The following ZNF266 variants were observed in gnomAD, a reference collection of about 807,000 sequenced individuals.
The protein encoded by ZNF266 is zinc finger protein 1.
In ZNF266, 16 loss-of-function variants were observed where a neutral mutation model predicts 16.4. That is an observed-to-expected ratio of 0.98 (90% CI 0.66 to 1.48). ZNF266 has a LOEUF of 1.48. Among genes scored for constraint, ZNF266 ranks in the 40% most tolerant of loss-of-function variants. The probability of loss-of-function intolerance (pLI) is 0.00; values close to 1 mark genes in which losing one functional copy is unlikely to be tolerated. For missense variants in ZNF266, 738 were observed against 689.1 expected, an observed-to-expected ratio of 1.07 and a Z score of -0.79; for synonymous variants, 262 against 237.9, an observed-to-expected ratio of 1.10 and a Z score of -0.93.
At position 9,426,154 on chromosome 19, in the gene ZNF266, C is replaced by T. The variant is rs1053054157; in HGVS notation, c.-129-5936G>A. Among the ~76,000 whole-genome samples the T allele has an allele frequency of 4.6e-5, 7 of 152,014 alleles. No individual in the cohort carries two copies. In the East Asian group the frequency reaches 5.8e-4, roughly 13 times the overall value. ...CTGTTGCTCTACGCCCCCACCCTGA[C>T]GAGGTCAACTGGGCACCCTAGAGAG... On this transcript the variant is annotated intron_variant, in intron 5 of 10. Transcript: ENST00000592904.
At chr19:9,418,376 C>T in intron 8 of ZNF266, 129 bp downstream of exon 8, 1 of 995,958 alleles carries the variant, frequency 1.0e-6, no homozygotes, top group South Asian at 1.4e-5. Context: ...TAGATGAAAC[C>T]CTATTAGGGC....
Position 9,414,116 on chromosome 19 carries a change from C to A in ZNF266, c.1010G>T (p.Cys337Phe). Residue 337 changes from cysteine to phenylalanine, a missense_variant, in exon 11 of 11, where the codon TGT (cysteine) becomes TTT (phenylalanine). Physicochemically the swap from Cys to Phe is radical, Grantham distance 205 (BLOSUM62 -2). Transcript: ENST00000592904. ...KTHTGEKPYK[C>F]KDCGRAFTVS... ...AGTGAAGGCTCTCCCACAATCCTTA[C>A]ATTTATAAGGTTTCTCTCCAGTGTG... The A allele has an allele frequency of 1.9e-6, 3 of 1,613,962 alleles. No homozygotes were observed. The highest frequency in any genetic ancestry group is 2.5e-6 in the Non-Finnish European group (3 of 1,179,918).
intron 5 of ZNF266, among the ~76,000 whole-genome samples, chr19:9,429,082 T>C (rs1221121082): frequency 6.6e-6 from 1 of 152,106 alleles, no homozygotes; most frequent in African/African-American, 2.4e-5. Flanking sequence ...GAAAAATATA[T>C]TCAATAGAAC....
At position 9,413,542 on chromosome 19, in the gene ZNF266, T is replaced by C; in HGVS notation, c.1584A>G (p.Lys528=). Residue 528 remains lysine (K), a synonymous_variant, in exon 11 of 11, where the codon AAA becomes AAG. Coordinates refer to ENST00000592904, the MANE Select transcript of ZNF266 (RefSeq NM_001370374.1). ...LNNHMRTHSA[K]KPFTCMECGK... ...CACATTCCATACACGTGAATGGTTT[T>C]TTGGCGCTGTGGGTCCGCATGTGAT... The C allele has an allele frequency of 6.2e-7, 1 of 1,613,382 alleles. No individual in the cohort carries two copies. The highest frequency in any genetic ancestry group is 8.5e-7 in the Non-Finnish European group (1 of 1,179,402).
At position 9,432,809 on chromosome 19, in the gene ZNF266, A is replaced by G. The variant is rs73920784; in HGVS notation, c.-130+859T>C. On this transcript the variant is annotated intron_variant, in intron 5 of 10. Transcript: ENST00000592904. Reference sequence around the variant, plus strand: ...TGGGTTAAAACAAATAAATGCTTCCAAAGCAAAAACTCTAAGGACCACCTC... The same window carrying G: ...TGGGTTAAAACAAATAAATGCTTCCGAAGCAAAAACTCTAAGGACCACCTC... Among the ~76,000 whole-genome samples, 1,407 of 152,194 alleles carry G rather than the reference A, an allele frequency of 9.2e-3. 24 individuals are homozygous for G. Among genetic ancestry groups the G allele is most frequent in the African/African-American group, 0.033 (1,349 of 41,504 alleles).
At chr19:9,418,460 A>T in intron 8 of ZNF266, 45 bp downstream of exon 8, 1 of 1,605,912 alleles carries the variant, frequency 6.2e-7, no homozygotes, top group South Asian at 1.1e-5. Context: ...AGTACATAAC[A>T]TAATCTGTTC....
intron 5 of ZNF266, among the ~76,000 whole-genome samples, chr19:9,428,733 A>AAAC (rs1555761259): frequency 6.7e-5 from 10 of 150,290 alleles, no homozygotes; most frequent in African/African-American, 2.2e-4. Flanking sequence ...AAAAAAAAAA[A>AAAC]CCCTGGGAAT....
chr19:9,422,570 TCTCA>T (rs1159740801), intron 5 of ZNF266, among the ~76,000 whole-genome samples: 1 of 152,206 alleles, frequency 6.6e-6, no homozygotes. Flanking sequence ...TATTTAGTGC[TCTCA>T]GTCTTGTATC....
At chr19:9,415,166 G>A (rs765043382) in intron 10 of ZNF266, among the ~76,000 whole-genome samples, 8 of 152,142 alleles carry the variant, frequency 5.3e-5, no homozygotes, top group Admixed American at 1.3e-4. Flanking sequence ...ATGGTGGCAC[G>A]TGCCTGTACT....
At position 9,414,214 on chromosome 19, in the gene ZNF266, G is replaced by A. The variant is rs552968416; in HGVS notation, c.912C>T (p.Asp304=). ...LNIHMGTHTG[D]NPYECKECGK... ...CACACTCCTTACACTCATAGGGATT[G>A]TCTCCAGTGTGGGTTCCCATGTGAA... The change falls in exon 11 of 11, where the codon GAC becomes GAT. Residue 304 remains aspartate (D), a synonymous_variant. Coordinates refer to ENST00000592904, the MANE Select transcript of ZNF266 (RefSeq NM_001370374.1). The A allele has an allele frequency of 6.2e-7, 1 of 1,614,122 alleles. No homozygotes were observed. The highest frequency in any genetic ancestry group is 2.2e-5 in the East Asian group (1 of 44,868).
Position 9,413,596 on chromosome 19 carries a change from T to C in ZNF266, c.1530A>G (p.Lys510=), listed in dbSNP as rs75717316. 0.013 allele frequency: 20,827 copies of C among 1,611,924 alleles called. 267 individuals carry two copies. The highest frequency in any genetic ancestry group is 0.059 in the African/African-American group (4,442 of 75,032). Residue 510 remains lysine, a synonymous_variant, in exon 11 of 11, where the codon AAA becomes AAG. Transcript: ENST00000592904. ...EKPFECLECG[K]AFTHSSSLNN... Reference sequence around the variant, plus strand: ...TAAGACTGGAGGAATGCGTAAATGCTTTACCACATTCCAGGCACTCAAAGG... The same window carrying C: ...TAAGACTGGAGGAATGCGTAAATGCCTTACCACATTCCAGGCACTCAAAGG...
chr19:9,421,144 C>T (rs1005015875), intron 5 of ZNF266, among the ~76,000 whole-genome samples: 4 of 152,178 alleles, frequency 2.6e-5, no homozygotes, highest in African/African-American at 7.2e-5. Context: ...GGAATCTGAA[C>T]GATGAAAATC....
rs2068586333 is a variant in ZNF266 at position 9,413,858 on chromosome 19, T to A, written c.1268A>T (p.Asp423Val). The A allele has an allele frequency of 6.2e-7, 1 of 1,614,076 alleles. No individual in the cohort carries two copies. The highest frequency in any genetic ancestry group is 8.5e-7 in the Non-Finnish European group (1 of 1,180,030). Residue 423 changes from aspartate (D) to valine (V), a missense_variant, in exon 11 of 11, where the codon GAT (aspartate) becomes GTT (valine). By Grantham distance (152) the Asp-to-Val change is radical. Transcript: ENST00000592904. ...HTGIKPYKCK[D>V]CGKAFTQNSD... ...GTTCTGAGTGAAGGCTTTCCCACAA[T>A]CCTTACATTTATAGGGTTTTATTCC...
At chr19:9,415,632 G>A in intron 10 of ZNF266, 22 bp downstream of exon 10, 10 of 1,574,916 alleles carry the variant, frequency 6.3e-6, no homozygotes, top group Non-Finnish European at 8.7e-6. Context: ...TGAAAACTAA[G>A]ACGTATCCTT....
At chr19:9,418,384 G>A in intron 8 of ZNF266, 121 bp downstream of exon 8, 1 of 1,095,922 alleles carries the variant, frequency 9.1e-7, no homozygotes, top group Non-Finnish European at 1.4e-6. Flanking sequence ...ACCCTATTAG[G>A]GCAGGGACTA....
At chr19:9,433,412 G>A (rs1404320136) in intron 5 of ZNF266, among the ~76,000 whole-genome samples, 1 of 151,940 alleles carries the variant, frequency 6.6e-6, no homozygotes, top group Non-Finnish European at 1.5e-5. Context: ...GGAAACGAAG[G>A]ACTAATTTAG....
At chr19:9,421,297 T>C (rs1016629454) in intron 5 of ZNF266, among the ~76,000 whole-genome samples, 4 of 152,132 alleles carry the variant, frequency 2.6e-5, no homozygotes, top group South Asian at 2.1e-4. Context: ...CTGGTGTAGA[T>C]TGTACCCACT....
chr19:9,427,805 G>A (rs966330165), intron 5 of ZNF266, among the ~76,000 whole-genome samples: 4 of 151,990 alleles, frequency 2.6e-5, no homozygotes, highest in African/African-American at 4.8e-5. Context: ...GGTATGCACC[G>A]CACCGATAAC....
intron 5 of ZNF266, among the ~76,000 whole-genome samples, chr19:9,422,129 C>T (rs932408540): frequency 2.0e-5 from 3 of 150,906 alleles, no homozygotes; most frequent in East Asian, 1.9e-4. Context: ...GGATTACAGG[C>T]GTGAGCCACT....
Sources: allele counts gnomAD v4.1 joint callset (sites outside exome capture counted in the v4.1 genomes callset), GRCh38; gene constraint gnomAD v4.1.1; transcripts MANE v1.5; gene names NCBI Gene and HGNC (gene_info 2026-07-23, HGNC 2026-07-21).